Variants in ALS2 observed in about 807,000 individuals in gnomAD.
ALS2 encodes alsin Rho guanine nucleotide exchange factor ALS2.
In ALS2, 117 loss-of-function variants were observed where a neutral mutation model predicts 203.4. The observed-to-expected ratio is 0.58, with a 90% CI of 0.50 to 0.67. ALS2 has a LOEUF of 0.67. Ranked by LOEUF, ALS2 falls within the 30% of genes least tolerant of loss-of-function variation. The probability of loss-of-function intolerance (pLI) is 0.00; values close to 1 mark genes in which losing one functional copy is unlikely to be tolerated. For synonymous variants in ALS2, 718 were observed against 725.9 expected (o/e 0.99, Z 0.17); for missense variants, 1,715 against 1,989.4 (o/e 0.86, Z 2.62).
intron 29 of ALS2, 32 bp downstream of exon 29, chr2:201,706,814 C>A (rs1475284235): frequency 6.2e-7 from 1 of 1,612,392 alleles, no homozygotes; most frequent in African/African-American, 1.3e-5. Context: ...AAATTAAAAC[C>A]ATTTGGTTGC....
At chr2:201,720,649 G>C (rs1288332025) in intron 23 of ALS2, among the ~76,000 whole-genome samples, 1 of 151,946 alleles carries the variant, frequency 6.6e-6, no homozygotes, top group Non-Finnish European at 1.5e-5. Flanking sequence ...AGGAGGTTGA[G>C]GCTGCAGGGA....
At chr2:201,715,645 C>T in intron 25 of ALS2, 27 bp downstream of exon 25, 2 of 1,613,918 alleles carry the variant, frequency 1.2e-6, no homozygotes, top group South Asian at 1.1e-5. Context: ...ACATGCTCTG[C>T]TGTATGTTGA....
chr2:201,750,667 A>T (rs1692976214), intron 7 of ALS2, among the ~76,000 whole-genome samples: 3 of 152,226 alleles, frequency 2.0e-5, no homozygotes, highest in Non-Finnish European at 2.9e-5. Flanking sequence ...TCATTGTACA[A>T]GACTGTGACA....
At chr2:201,750,495 T>C (rs1439852879) in intron 7 of ALS2, among the ~76,000 whole-genome samples, 1 of 152,178 alleles carries the variant, frequency 6.6e-6, no homozygotes, top group African/African-American at 2.4e-5. Flanking sequence ...TTTCCTACTC[T>C]GTAGATAAAA....
At position 201,724,430 on chromosome 2, in the gene ALS2, C is replaced by G; in HGVS notation, c.3377G>C (p.Cys1126Ser). Reference sequence around the variant, plus strand: ...ACCATGACGCATATTATCTTGAAAACAGCCCTCAAATACTTCACCAGAAGC... The same window carrying G: ...ACCATGACGCATATTATCTTGAAAAGAGCCCTCAAATACTTCACCAGAAGC... ...SYASGEVFEG[C>S]FQDNMRHGHG... Residue 1126 changes from cysteine (C) to serine (S), a missense_variant, in exon 21 of 34, where the codon TGT becomes TCT. Cys to Ser is a moderately radical substitution (Grantham distance 112). This residue lies in a region of ALS2 where 1,227 missense variants were observed against 1,413.5 expected (regional missense o/e 0.87). Coordinates refer to ENST00000264276, the MANE Select transcript of ALS2 (RefSeq NM_020919.4). The G allele has an allele frequency of 6.2e-7, 1 of 1,614,088 alleles. No homozygotes were observed. The highest frequency in any genetic ancestry group is 1.1e-5 in the South Asian group (1 of 91,088).
chr2:201,746,266 T>G (rs907171731), intron 9 of ALS2, among the ~76,000 whole-genome samples: 6 of 152,202 alleles, frequency 3.9e-5, no homozygotes, highest in Non-Finnish European at 8.8e-5. Flanking sequence ...ATTTATAAAG[T>G]ATGTACTATG....
intron 14 of ALS2, 51 bp from the exon 15 acceptor site, chr2:201,728,691 A>T: frequency 2.5e-6 from 4 of 1,584,542 alleles, no homozygotes; most frequent in Non-Finnish European, 3.5e-6. Context: ...AATTATTTTA[A>T]CATGTAAAGA....
intron 33 of ALS2, among the ~76,000 whole-genome samples, chr2:201,703,535 A>AT (rs1164556295): frequency 3.9e-5 from 6 of 151,960 alleles, no homozygotes; most frequent in Admixed American, 3.9e-4. Flanking sequence ...ATTCTTTCTC[A>AT]TTTTTCACAA....
At chr2:201,751,464 T>C (rs879323052) in intron 7 of ALS2, among the ~76,000 whole-genome samples, 5 of 152,234 alleles carry the variant, frequency 3.3e-5, no homozygotes, top group Non-Finnish European at 7.3e-5. Flanking sequence ...CATCTTTTCA[T>C]TTATTGCTGG....
At chr2:201,728,428 T>C in intron 15 of ALS2, 84 bp downstream of exon 15, 1 of 1,556,226 alleles carries the variant, frequency 6.4e-7, no homozygotes, top group Admixed American at 1.7e-5. Context: ...ATCACACTAG[T>C]TTTGAACATA....
intron 4 of ALS2, among the ~76,000 whole-genome samples, chr2:201,758,149 A>G (rs1031998808): frequency 6.6e-5 from 10 of 152,136 alleles, no homozygotes; most frequent in African/African-American, 2.2e-4. Flanking sequence ...AAAAATGCAA[A>G]TTTCATTATT....
chr2:201,703,531 T>C (rs1689509770), intron 33 of ALS2, among the ~76,000 whole-genome samples: 1 of 152,202 alleles, frequency 6.6e-6, no homozygotes, highest in African/African-American at 2.4e-5. Flanking sequence ...GTCTATTCTT[T>C]CTCATTTTTC....
At chr2:201,766,833 A>G (rs999896618) in intron 3 of ALS2, among the ~76,000 whole-genome samples, 1 of 149,326 alleles carries the variant, frequency 6.7e-6, no homozygotes, top group Non-Finnish European at 1.5e-5. Flanking sequence ...TCAGCAAACT[A>G]TCGCAAGGAG....
Position 201,741,987 on chromosome 2 carries a change from T to C in ALS2, c.2171-133A>G, listed in dbSNP as rs768123273. ...TGTGCTCTCAACTAAGGAACCCAAA[T>C]GATTACAGTATTAAAGCAACCTCAA... On this transcript the variant is annotated intron_variant, in intron 10 of 33. Coordinates refer to ENST00000264276, the MANE Select transcript of ALS2 (RefSeq NM_020919.4). 132 of 811,270 alleles carry C rather than the reference T, an allele frequency of 1.6e-4. 1 individual carries two copies. Among genetic ancestry groups the C allele is most frequent in the Middle Eastern group, 1.1e-3 (4 of 3,652 alleles). 50.3% of individuals were successfully genotyped at this position (811,270 alleles called of 1,614,324 possible). A position where few individuals can be genotyped will look rare whatever the true frequency, so the allele number is the denominator to read the frequency against.
chr2:201,710,023 G>C lies in ALS2; in HGVS notation c.4138C>G (p.Leu1380Val). 1 of 1,613,952 alleles carries C rather than the reference G, an allele frequency of 6.2e-7. No homozygotes were observed. Among genetic ancestry groups the C allele is most frequent in the Non-Finnish European group, 8.5e-7 (1 of 1,179,838 alleles). The part of the protein sequence containing the change: ...KYLIKACDTP[L>V]HPLGRLVETL... ...TCCACAAGCCTGCCCAGGGGGTGCAGAGGAGTGTCACAGGCCTGAGTAGGA... is the reference window on the plus strand; with the variant it reads ...TCCACAAGCCTGCCCAGGGGGTGCACAGGAGTGTCACAGGCCTGAGTAGGA... Residue 1380 changes from leucine to valine, a missense_variant, in exon 27 of 34, where the codon CTG (leucine) becomes GTG (valine). Around this residue, in one of 3 missense-constraint regions of ALS2, gnomAD observed 1,227 missense variants for 1,413.5 expected, o/e 0.87. Coordinates refer to ENST00000264276, the MANE Select transcript of ALS2 (RefSeq NM_020919.4).
At chr2:201,746,834 C>T in intron 8 of ALS2, 86 bp from the exon 9 acceptor site, 1 of 1,492,192 alleles carries the variant, frequency 6.7e-7, no homozygotes, top group Non-Finnish European at 9.3e-7. Flanking sequence ...CGTTAGGTTG[C>T]TTAAATAAGC....
At chr2:201,715,199 G>A (rs1690290031) in intron 25 of ALS2, among the ~76,000 whole-genome samples, 1 of 152,114 alleles carries the variant, frequency 6.6e-6, no homozygotes, top group African/African-American at 2.4e-5. Context: ...AGAGAATAGA[G>A]AAAAAAGACA....
intron 1 of ALS2, among the ~76,000 whole-genome samples, chr2:201,777,697 C>T (rs1446264472): frequency 1.3e-5 from 2 of 152,104 alleles, no homozygotes; most frequent in Non-Finnish European, 2.9e-5. Context: ...GTATCCCATT[C>T]CCACGTTTTC....
chr2:201,732,359 G>A (rs1272294151), intron 13 of ALS2, among the ~76,000 whole-genome samples: 1 of 146,476 alleles, frequency 6.8e-6, no homozygotes, highest in East Asian at 2.0e-4. Context: ...TTCGAGGCCA[G>A]CCTGGCCAAC....
Sources: allele counts gnomAD v4.1 joint callset (sites outside exome capture counted in the v4.1 genomes callset), GRCh38; gene constraint gnomAD v4.1.1; regional missense constraint gnomAD v4.1.1; transcripts MANE v1.5; gene names NCBI Gene and HGNC (gene_info 2026-07-23, HGNC 2026-07-21).